TMPRSS12: variants seen among roughly 807,000 people sequenced by gnomAD.
The protein encoded by TMPRSS12 is transmembrane serine protease 12.
Under a neutral mutation model 26.0 loss-of-function variants are expected in TMPRSS12, and 25 were observed. That is an observed-to-expected ratio of 0.96 (90% CI 0.70 to 1.34). The LOEUF (loss-of-function observed/expected upper bound fraction) is 1.34, where lower values mean the gene tolerates loss of function less well. Among genes scored for constraint, TMPRSS12 ranks in the 40% most tolerant of loss-of-function variants. The probability of loss-of-function intolerance (pLI) is 0.00; values close to 1 mark genes in which losing one functional copy is unlikely to be tolerated. For missense variants in TMPRSS12, 441 were observed against 440.1 expected, an observed-to-expected ratio of 1.00 and a Z score of -0.02; for synonymous variants, 150 against 161.7, an observed-to-expected ratio of 0.93 and a Z score of 0.55.
Position 50,887,662 on chromosome 12 carries a change from T to C in TMPRSS12, c.*149T>C, listed in dbSNP as rs1247758441. The C allele has an allele frequency of 1.1e-6, 1 of 948,168 alleles. No homozygotes were observed. The highest frequency in any genetic ancestry group is 1.5e-6 in the Non-Finnish European group (1 of 658,894). 58.7% of individuals were successfully genotyped at this position (948,168 alleles called of 1,614,324 possible). A position where few individuals can be genotyped will look rare whatever the true frequency, so the allele number is the denominator to read the frequency against. ...TATGGGCTATAAGTATTGTGACAGA[T>C]ATACAATTGTAATTTTGGCACTGAA... On this transcript the variant is annotated 3_prime_UTR_variant, in exon 5 of 5. Coordinates refer to ENST00000398458, the MANE Select transcript of TMPRSS12 (RefSeq NM_182559.3).
intron 3 of TMPRSS12, among the ~76,000 whole-genome samples, chr12:50,878,834 A>G (rs1003824311): frequency 1.3e-5 from 2 of 152,178 alleles, no homozygotes; most frequent in African/African-American, 2.4e-5. Context: ...TCCAAAATTC[A>G]TATGTTGAAA....
At chr12:50,882,035 A>T (rs1268606949) in intron 3 of TMPRSS12, among the ~76,000 whole-genome samples, 1 of 119,044 alleles carries the variant, frequency 8.4e-6, no homozygotes, top group African/African-American at 3.1e-5. Context: ...ATATATATAT[A>T]TATATATGTT....
rs1385315366 is a variant in TMPRSS12 at position 50,843,970 on chromosome 12, G to A, written c.316G>A (p.Val106Ile). The A allele has an allele frequency of 6.2e-6, 10 of 1,607,548 alleles. No homozygotes were observed. The highest frequency in any genetic ancestry group is 8.5e-6 in the Non-Finnish European group (10 of 1,177,096). The change falls in exon 2 of 5, where the codon GTA becomes ATA. Residue 106 changes from valine to isoleucine, a missense_variant. Physicochemically the swap from Val to Ile is conservative, Grantham distance 29. Transcript: ENST00000398458. ...QIKYGRVLVH[V>I]CGGTLVRERW... Reference sequence around the variant, plus strand: ...TAAATATGGCCGTGTTCTTGTTCATGTATGTGGGGGAACCCTAGTGAGAGA... The same window carrying A: ...TAAATATGGCCGTGTTCTTGTTCATATATGTGGGGGAACCCTAGTGAGAGA...
chr12:50,853,954 ACTC>A (rs1406681499), intron 2 of TMPRSS12, among the ~76,000 whole-genome samples: 1 of 151,912 alleles, frequency 6.6e-6, no homozygotes, highest in Non-Finnish European at 1.5e-5. Flanking sequence ...GGAATTAGGG[ACTC>A]CTCCCTAATT....
At chr12:50,866,887 C>T (rs911330225) in intron 3 of TMPRSS12, among the ~76,000 whole-genome samples, 4 of 152,218 alleles carry the variant, frequency 2.6e-5, no homozygotes, top group East Asian at 3.9e-4. Flanking sequence ...AGATAACAAT[C>T]GCTGCAGCTC....
At chr12:50,845,383 G>A (rs1178749888) in intron 2 of TMPRSS12, among the ~76,000 whole-genome samples, 3 of 152,054 alleles carry the variant, frequency 2.0e-5, no homozygotes, top group Non-Finnish European at 4.4e-5. Context: ...TTACATTGCA[G>A]TGTTTTCTAG....
chr12:50,875,621 A>T (rs2139734448), intron 3 of TMPRSS12, among the ~76,000 whole-genome samples: 1 of 152,172 alleles, frequency 6.6e-6, no homozygotes, highest in Middle Eastern at 3.4e-3. Context: ...AAAGCCACAC[A>T]CCATCTGATC....
intron 2 of TMPRSS12, among the ~76,000 whole-genome samples, chr12:50,858,475 C>T (rs1405357449): frequency 6.6e-6 from 1 of 152,156 alleles, no homozygotes. Flanking sequence ...TTTTATTTCT[C>T]TTTTCAAACA....
At chr12:50,853,868 G>C (rs1937851141) in intron 2 of TMPRSS12, among the ~76,000 whole-genome samples, 2 of 152,068 alleles carry the variant, frequency 1.3e-5, no homozygotes, top group African/African-American at 4.8e-5. Flanking sequence ...TCCTGGACCA[G>C]AAGGATTCAC....
intron 3 of TMPRSS12, among the ~76,000 whole-genome samples, chr12:50,859,278 C>T (rs1431833633): frequency 4.6e-5 from 7 of 151,570 alleles, no homozygotes; most frequent in South Asian, 2.1e-4. Flanking sequence ...TGCAGTGGCA[C>T]GATCTCGGCT....
At chr12:50,868,820 A>C (rs1164304348) in intron 3 of TMPRSS12, among the ~76,000 whole-genome samples, 1 of 152,190 alleles carries the variant, frequency 6.6e-6, no homozygotes, top group African/African-American at 2.4e-5. Context: ...AGTGGAATAA[A>C]ATTGGAAATC....
chr12:50,870,772 A>C (rs1189154092), intron 3 of TMPRSS12, among the ~76,000 whole-genome samples: 3 of 136,614 alleles, frequency 2.2e-5, no homozygotes, highest in Non-Finnish European at 4.8e-5. Context: ...TACAAGATTA[A>C]TGTACACAAA....
chr12:50,856,235 G>A (rs1937876067), intron 2 of TMPRSS12, among the ~76,000 whole-genome samples: 1 of 152,036 alleles, frequency 6.6e-6, no homozygotes, highest in Non-Finnish European at 1.5e-5. Context: ...AAAGTGTTTG[G>A]CACCTCCCCA....
intron 3 of TMPRSS12, among the ~76,000 whole-genome samples, chr12:50,859,938 T>C (rs1157511081): frequency 6.6e-6 from 1 of 152,232 alleles, no homozygotes; most frequent in Non-Finnish European, 1.5e-5. Flanking sequence ...CTTTATGCCA[T>C]GAGATTGAAA....
chr12:50,865,844 T>G (rs575800525), intron 3 of TMPRSS12, among the ~76,000 whole-genome samples: 1 of 152,272 alleles, frequency 6.6e-6, no homozygotes, highest in African/African-American at 2.4e-5. Flanking sequence ...GAAGATGTGC[T>G]TGCCTCCCCT....
At chr12:50,871,927 T>TAA (rs56139129) in intron 3 of TMPRSS12, among the ~76,000 whole-genome samples, 30,546 of 146,820 alleles carry the variant, frequency 0.21, 3,442 homozygotes, top group East Asian at 0.41. Context: ...ATCAAAAAAT[T>TAA]AAAAAAAAAA....
chr12:50,872,705 ATG>A (rs1479476660), intron 3 of TMPRSS12, among the ~76,000 whole-genome samples: 24 of 120,064 alleles, frequency 2.0e-4, no homozygotes, highest in East Asian at 8.1e-4. Context: ...TATGACGTAT[ATG>A]TGTACATATA....
At chr12:50,845,871 A>G (rs1224327475) in intron 2 of TMPRSS12, among the ~76,000 whole-genome samples, 1 of 152,158 alleles carries the variant, frequency 6.6e-6, no homozygotes, top group Admixed American at 6.5e-5. Context: ...TTTTATTTCC[A>G]TTTCCCAAAT....
chr12:50,881,762 A>G (rs796315036), intron 3 of TMPRSS12, among the ~76,000 whole-genome samples: 4 of 150,996 alleles, frequency 2.6e-5, no homozygotes, highest in African/African-American at 9.7e-5. Flanking sequence ...CGAGGTCAAG[A>G]GTCCGAGACC....
Sources: allele counts gnomAD v4.1 joint callset (sites outside exome capture counted in the v4.1 genomes callset), GRCh38; gene constraint gnomAD v4.1.1; transcripts MANE v1.5; gene names NCBI Gene and HGNC (gene_info 2026-07-23, HGNC 2026-07-21).